DOCK5: variants seen among roughly 807,000 people sequenced by gnomAD.
The protein encoded by DOCK5 is dedicator of cytokinesis protein 5.
A neutral mutation model predicts 251.8 loss-of-function variants in DOCK5; 142 were observed. That is an observed-to-expected ratio of 0.56 (90% CI 0.49 to 0.65). DOCK5 has a LOEUF of 0.65. Among genes scored for constraint, DOCK5 ranks in the 30% least tolerant of loss-of-function variants. The pLI, the probability that DOCK5 is intolerant of heterozygous loss-of-function variation, is 0.00. For missense variants in DOCK5, 2,111 were observed against 2,312.3 expected, an observed-to-expected ratio of 0.91 and a Z score of 1.79; for synonymous variants, 842 against 835.5, an observed-to-expected ratio of 1.01 and a Z score of -0.13.
chr8:25,234,538 G>A (rs894639954), intron 1 of DOCK5, among the ~76,000 whole-genome samples: 6 of 152,134 alleles, frequency 3.9e-5, no homozygotes, highest in Admixed American at 1.3e-4. Flanking sequence ...TAATAAGGAA[G>A]ATATTCATTG....
Position 25,248,490 on chromosome 8 carries a change from G to C in DOCK5, c.127+4733G>C, listed in dbSNP as rs1482908685. Among the ~76,000 whole-genome samples the C allele has an allele frequency of 3.9e-5, 6 of 152,182 alleles. No individual in the cohort carries two copies. The South Asian group carries it at 1.0e-3, about 26-fold the overall frequency. On this transcript the variant is annotated intron_variant, in intron 2 of 51. Transcript: ENST00000276440. Reference sequence around the variant, plus strand: ...TGGGATTCGTGTCTTCCAGCTTCCTGTCGGAGCTGACTTTGGGGCGCTCCC... The same window carrying C: ...TGGGATTCGTGTCTTCCAGCTTCCTCTCGGAGCTGACTTTGGGGCGCTCCC...
At chr8:25,199,713 G>A (rs985761921) in intron 1 of DOCK5, among the ~76,000 whole-genome samples, 1 of 152,158 alleles carries the variant, frequency 6.6e-6, no homozygotes, top group African/African-American at 2.4e-5. Flanking sequence ...TGCTGGGAGT[G>A]GACAGCTTTA....
chr8:25,359,610 T>A (rs1265884353), intron 28 of DOCK5, among the ~76,000 whole-genome samples: 1 of 152,222 alleles, frequency 6.6e-6, no homozygotes, highest in Non-Finnish European at 1.5e-5. Flanking sequence ...TAGATTCTCA[T>A]AGGAGCTGAA....
At chr8:25,220,603 A>C (rs1802360916) in intron 1 of DOCK5, among the ~76,000 whole-genome samples, 1 of 151,832 alleles carries the variant, frequency 6.6e-6, no homozygotes, top group Non-Finnish European at 1.5e-5. Context: ...AACATCTCTC[A>C]TTCAGTTTTG....
Position 25,411,385 on chromosome 8 carries a change from C to T in DOCK5, c.*87C>T, listed in dbSNP as rs2117354311. The T allele has an allele frequency of 7.5e-7, 1 of 1,338,968 alleles. No homozygotes were observed. 82.9% of individuals were successfully genotyped at this position (1,338,968 alleles called of 1,614,324 possible). A position where few individuals can be genotyped will look rare whatever the true frequency, so the allele number is the denominator to read the frequency against. ...CAGCCGGTGTCCTCATTCCATGGGG[C>T]TCCCTGCTGACTGCATTTCCTGATC... On this transcript the variant is annotated 3_prime_UTR_variant, in exon 52 of 52. Transcript: ENST00000276440.
intron 12 of DOCK5, 77 bp downstream of exon 12, chr8:25,309,002 C>G: frequency 2.0e-6 from 3 of 1,524,808 alleles, no homozygotes; most frequent in Non-Finnish European, 2.7e-6. Context: ...TGGACTCCTG[C>G]CCTTTATTAT....
At chr8:25,336,116 A>G (rs1805798165) in intron 21 of DOCK5, 123 bp from the exon 22 acceptor site, 6 of 1,088,376 alleles carry the variant, frequency 5.5e-6, no homozygotes, top group Non-Finnish European at 7.8e-6. Context: ...GGCATATTCT[A>G]GAAGATATAA....
chr8:25,229,275 A>C (rs1343106940), intron 1 of DOCK5, among the ~76,000 whole-genome samples: 1 of 152,112 alleles, frequency 6.6e-6, no homozygotes, highest in Non-Finnish European at 1.5e-5. Flanking sequence ...TGAGGTTAGG[A>C]GTTTGAGATT....
chr8:25,346,302 T>C (rs1800365542), intron 26 of DOCK5, among the ~76,000 whole-genome samples: 3 of 151,692 alleles, frequency 2.0e-5, no homozygotes, highest in Admixed American at 6.6e-5. Flanking sequence ...TTTGTCTCTC[T>C]AAAAAATAAT....
chr8:25,391,515 G>T (rs1379298979), intron 42 of DOCK5, among the ~76,000 whole-genome samples: 3 of 152,082 alleles, frequency 2.0e-5, no homozygotes, highest in Non-Finnish European at 2.9e-5. Flanking sequence ...GTGCGTGCTT[G>T]TAATCTCGGC....
chr8:25,321,151 T>C, intron 16 of DOCK5, 99 bp downstream of exon 16: 1 of 1,009,184 alleles, frequency 9.9e-7, no homozygotes. Context: ...ATTTGGAAAC[T>C]AGAGACTTGG....
intron 32 of DOCK5, 81 bp downstream of exon 32, chr8:25,368,331 A>T: frequency 7.5e-7 from 1 of 1,340,248 alleles, no homozygotes; most frequent in Non-Finnish European, 1.0e-6. Context: ...TTTTATTTTA[A>T]TCCAGATAAC....
In DOCK5 at chr8:25,317,308, T is replaced by G. The variant is rs983111707; in HGVS notation, c.1443+177T>G. On this transcript the variant is annotated intron_variant, in intron 14 of 51. Transcript: ENST00000276440. ...CAGTGAGCAGTTTCACTAAGGAAGC[T>G]ATCTAGACTCTTCTAGACTCTTATT... 2.0e-5 allele frequency: 16 copies of G among 820,312 alleles called. No homozygotes were observed. In the African/African-American group the frequency reaches 2.4e-4, roughly 12 times the overall value. The allele number at this position is 820,312 out of a possible 1,614,324, so 50.8% of individuals were successfully genotyped here. A position where few individuals can be genotyped will look rare whatever the true frequency, so the allele number is the denominator to read the frequency against.
At chr8:25,293,707 T>C (rs115688349) in intron 6 of DOCK5, among the ~76,000 whole-genome samples, 4,389 of 152,078 alleles carry the variant, frequency 0.029, 209 homozygotes, top group African/African-American at 0.097. Flanking sequence ...AGAGGACTTA[T>C]TAAAAGGCCA....
At chr8:25,374,948 T>G in intron 37 of DOCK5, 1 of 1,230,418 alleles carries the variant, frequency 8.1e-7, no homozygotes, top group Non-Finnish European at 1.0e-6. Context: ...CATAAAAAAA[T>G]TTGTAAAACT....
At chr8:25,185,625 AG>A (rs1801412295) in intron 1 of DOCK5, among the ~76,000 whole-genome samples, 1 of 152,116 alleles carries the variant, frequency 6.6e-6, no homozygotes, top group African/African-American at 2.4e-5. Context: ...AGAGGGTGTA[AG>A]GCTGCCTTCC....
In DOCK5 at chr8:25,184,893, G is replaced by A. The variant is rs747924732; in HGVS notation, c.-16G>A. The A allele has an allele frequency of 1.4e-6, 2 of 1,397,652 alleles. No individual in the cohort carries two copies. Among genetic ancestry groups the A allele is most frequent in the Non-Finnish European group, 9.4e-7 (1 of 1,068,086 alleles). 86.6% of individuals were successfully genotyped at this position (1,397,652 alleles called of 1,614,324 possible). A position where few individuals can be genotyped will look rare whatever the true frequency, so the allele number is the denominator to read the frequency against. On this transcript the variant is annotated 5_prime_UTR_variant, in exon 1 of 52. Transcript: ENST00000276440. ...AGCAGCCTTAGTCGCCGCCGCCGCG[G>A]GGCGAGGTCGCCGCCATGGCCCGCT...
At chr8:25,398,019 ATAGGTAG>A (rs1563230818) in intron 45 of DOCK5, among the ~76,000 whole-genome samples, 1 of 152,184 alleles carries the variant, frequency 6.6e-6, no homozygotes, top group Non-Finnish European at 1.5e-5. Context: ...TGTAATGGTA[ATAGGTAG>A]TAGGTAAACT....
chr8:25,369,447 C>T (rs1171950571), intron 33 of DOCK5, 109 bp from the exon 34 acceptor site: 5 of 852,036 alleles, frequency 5.9e-6, no homozygotes, highest in Non-Finnish European at 9.3e-6. Context: ...CCTGTCTGTG[C>T]TGGAAACAGT....
Sources: gnomAD v4.1 joint callset for allele counts (sites outside exome capture counted in the v4.1 genomes callset) on GRCh38, gnomAD v4.1.1 for gene constraint, MANE v1.5 for transcripts, NCBI Gene and HGNC (gene_info 2026-07-23, HGNC 2026-07-21) for gene names.